The following GPM6A variants were observed in gnomAD, a reference collection of about 807,000 sequenced individuals.
GPM6A encodes neuronal membrane glycoprotein M6-a.
Under a neutral mutation model 32.1 loss-of-function variants are expected in GPM6A, and 7 were observed. That is an observed-to-expected ratio of 0.22 (90% CI 0.12 to 0.41). The LOEUF (loss-of-function observed/expected upper bound fraction) is 0.41. GPM6A is among the 10% of genes least tolerant of loss of function. The pLI, the probability that GPM6A is intolerant of heterozygous loss-of-function variation, is 1.00. For missense variants in GPM6A, 235 were observed against 347.2 expected, an observed-to-expected ratio of 0.68 and a Z score of 2.57; for synonymous variants, 130 against 123.4, an observed-to-expected ratio of 1.05 and a Z score of -0.35.
intron 1 of GPM6A, among the ~76,000 whole-genome samples, chr4:175,864,687 T>G (rs921485068): frequency 6.6e-6 from 1 of 152,210 alleles, no homozygotes; most frequent in Non-Finnish European, 1.5e-5. Context: ...TGTGTCTTTG[T>G]GGGGGCATAC....
chr4:175,779,982 T>G (rs1440619368), intron 1 of GPM6A, among the ~76,000 whole-genome samples: 3 of 151,924 alleles, frequency 2.0e-5, no homozygotes, highest in Non-Finnish European at 4.4e-5. Context: ...GAGGTAGCAG[T>G]ATGCTCAGTG....
At chr4:175,908,076 A>G (rs1738188847) in intron 1 of GPM6A, among the ~76,000 whole-genome samples, 1 of 152,174 alleles carries the variant, frequency 6.6e-6, no homozygotes, top group Non-Finnish European at 1.5e-5. Flanking sequence ...TAAATGTAGA[A>G]AAAAGAATAT....
intron 1 of GPM6A, among the ~76,000 whole-genome samples, chr4:175,985,838 C>T (rs909755602): frequency 6.6e-6 from 1 of 151,690 alleles, no homozygotes; most frequent in East Asian, 1.9e-4. Flanking sequence ...TGGAGTCTTG[C>T]TCTGTCACTA....
chr4:175,962,256 G>T, intron 1 of GPM6A: 1 of 1,352,828 alleles, frequency 7.4e-7, no homozygotes, highest in Non-Finnish European at 1.1e-6. Context: ...ATATGTCATT[G>T]AAAACTCAAA....
intron 1 of GPM6A, among the ~76,000 whole-genome samples, chr4:175,943,427 G>A (rs1266607744): frequency 1.3e-5 from 2 of 152,188 alleles, no homozygotes; most frequent in African/African-American, 4.8e-5. Context: ...TTGAATAGGA[G>A]TGGTGTGAGA....
intron 1 of GPM6A, among the ~76,000 whole-genome samples, chr4:175,890,525 T>G (rs1450398351): frequency 3.8e-5 from 2 of 52,040 alleles, no homozygotes; most frequent in Non-Finnish European, 5.9e-5. Context: ...TTTATTTTAT[T>G]TTATGTTATG....
chr4:175,812,424 C>G (rs1223519310), upstream of GPM6A: 11 of 1,293,830 alleles, frequency 8.5e-6, no homozygotes, highest in East Asian at 2.8e-4. Context: ...TGCTTGGAGA[C>G]AGGCTGTCAA....
intron 1 of GPM6A, chr4:175,971,064 C>CA: frequency 3.5e-6 from 1 of 282,852 alleles, no homozygotes; most frequent in South Asian, 3.0e-5. Flanking sequence ...AGAAAAGGTG[C>CA]AATTCCCTGA....
At chr4:175,662,739 A>G (rs1742502490) in intron 3 of GPM6A, among the ~76,000 whole-genome samples, 1 of 152,170 alleles carries the variant, frequency 6.6e-6, no homozygotes, top group African/African-American at 2.4e-5. Context: ...ATATATATCT[A>G]TAGATATAGA....
At chr4:175,967,636 T>A (rs1241883695) in intron 1 of GPM6A, among the ~76,000 whole-genome samples, 1 of 152,176 alleles carries the variant, frequency 6.6e-6, no homozygotes, top group Non-Finnish European at 1.5e-5. Context: ...AATGAGCATT[T>A]GGAATTTGAA....
chr4:175,685,121 C>T (rs1282535355), intron 2 of GPM6A, among the ~76,000 whole-genome samples: 1 of 152,146 alleles, frequency 6.6e-6, no homozygotes, highest in Non-Finnish European at 1.5e-5. Context: ...GATCTCCTGA[C>T]CTCGTGATCC....
intron 2 of GPM6A, among the ~76,000 whole-genome samples, chr4:175,685,916 A>AGTGT (rs56903622): frequency 1.2e-3 from 184 of 149,496 alleles, no homozygotes; most frequent in Admixed American, 1.4e-3. Context: ...GATCATTAAA[A>AGTGT]GTGTGTGTGT....
intron 2 of GPM6A, among the ~76,000 whole-genome samples, chr4:175,693,341 G>A (rs936789345): frequency 6.7e-6 from 1 of 149,316 alleles, no homozygotes; most frequent in African/African-American, 2.4e-5. Context: ...GGAAACAGGA[G>A]TATTATAGAA....
chr4:175,956,879 T>C (rs1017660447), intron 1 of GPM6A, among the ~76,000 whole-genome samples: 6 of 152,204 alleles, frequency 3.9e-5, no homozygotes, highest in Non-Finnish European at 5.9e-5. Flanking sequence ...TATTCTCTAA[T>C]ATAAACATGA....
At chr4:175,973,547 G>A (rs941512525) in intron 1 of GPM6A, among the ~76,000 whole-genome samples, 2 of 152,158 alleles carry the variant, frequency 1.3e-5, no homozygotes, top group African/African-American at 4.8e-5. Context: ...ATGAGATCTT[G>A]GGACAGGATG....
intron 1 of GPM6A, among the ~76,000 whole-genome samples, chr4:175,934,915 CAAT>C (rs1218442099): frequency 2.0e-5 from 3 of 152,232 alleles, no homozygotes; most frequent in African/African-American, 4.8e-5. Context: ...TCCTTAAAAA[CAAT>C]AATGATAAAA....
chr4:175,739,888 T>C (rs560590611), intron 1 of GPM6A, among the ~76,000 whole-genome samples: 5 of 152,104 alleles, frequency 3.3e-5, no homozygotes, highest in African/African-American at 1.2e-4. Flanking sequence ...TCACAAAAAA[T>C]AAGAGTTTTG....
chr4:175,999,935 GA>G (rs1442959736), intron 1 of GPM6A, among the ~76,000 whole-genome samples: 1 of 152,146 alleles, frequency 6.6e-6, no homozygotes, highest in East Asian at 1.9e-4. Flanking sequence ...TTAAAAGAAA[GA>G]GGAGAGATAT....
rs115606181 is a variant in GPM6A at position 175,685,870 on chromosome 4, T to C, written c.231-12034A>G. 2.6e-3 allele frequency among the ~76,000 whole-genome samples: 392 copies of C among 152,294 alleles called. 5 individuals carry two copies. The highest frequency in any genetic ancestry group is 9.1e-3 in the African/African-American group (377 of 41,554). On this transcript the variant is annotated intron_variant, in intron 2 of 6. Coordinates refer to ENST00000393658, the MANE Select transcript of GPM6A (RefSeq NM_201591.3). ...CCCAAAAGCTTATTGGCAAGCAGCATTTTTACTAACATAACTTCTAGATTG... is the reference window on the plus strand; with the variant it reads ...CCCAAAAGCTTATTGGCAAGCAGCACTTTTACTAACATAACTTCTAGATTG...
Sources: gnomAD v4.1 joint callset for allele counts (sites outside exome capture counted in the v4.1 genomes callset) on GRCh38, gnomAD v4.1.1 for gene constraint, MANE v1.5 for transcripts, NCBI Gene and HGNC (gene_info 2026-07-23, HGNC 2026-07-21) for gene names.